The following KANSL1 variants were observed in gnomAD, a reference collection of about 807,000 sequenced individuals.
KANSL1 encodes MLL1/MLL complex subunit KANSL1.
KANSL1 carries 22 observed loss-of-function variants against 103.6 expected under a neutral mutation model. The observed-to-expected ratio is 0.21, with a 90% confidence interval of 0.15 to 0.30. The LOEUF (loss-of-function observed/expected upper bound fraction) is 0.30, where lower values mean the gene tolerates loss of function less well. KANSL1 is among the 10% of genes least tolerant of loss of function. The probability of loss-of-function intolerance (pLI) is 1.00; values close to 1 mark genes in which losing one functional copy is unlikely to be tolerated. For missense variants in KANSL1, 1,337 were observed against 1,399.8 expected (o/e 0.96, Z 0.72); for synonymous variants, 600 against 527.6 (o/e 1.14, Z -1.88).
intron 2 of KANSL1, chr17:46,119,832 A>C (rs899518989): frequency 6.6e-6 from 1 of 152,182 alleles, no homozygotes; most frequent in Non-Finnish European, 1.5e-5. Context: ...AAATGTCCTT[A>C]TTCACCCTTC....
At chr17:46,071,472 C>T (rs2146705317) in intron 4 of KANSL1, among the ~76,000 whole-genome samples, 1 of 152,280 alleles carries the variant, frequency 6.6e-6, no homozygotes, top group Admixed American at 6.5e-5. Context: ...AAAAGAAAAA[C>T]ATAACACACA....
At chr17:46,201,598 G>A (rs1348357909) in intron 1 of KANSL1, among the ~76,000 whole-genome samples, 1 of 152,080 alleles carries the variant, frequency 6.6e-6, no homozygotes, top group Non-Finnish European at 1.5e-5. Flanking sequence ...CTGGTCGGTT[G>A]TGGTAGCTCA....
rs75641221 is a variant in KANSL1 at position 46,068,007 on chromosome 17, T to G, written c.1534-340A>C. ...GGAGAATATTATATTAGCTTTTGCTTTGGGGGGAAGAGGGATGAGGAATCC... is the reference window on the plus strand; with the variant it reads ...GGAGAATATTATATTAGCTTTTGCTGTGGGGGGAAGAGGGATGAGGAATCC... On this transcript the variant is annotated intron_variant, in intron 4 of 14. Coordinates refer to ENST00000432791, the MANE Select transcript of KANSL1 (RefSeq NM_015443.4). Among the ~76,000 whole-genome samples the G allele has an allele frequency of 5.3e-5, 8 of 151,788 alleles. No individual in the cohort carries two copies. The East Asian group carries it at 1.6e-3, about 30-fold the overall frequency.
At chr17:46,165,435 T>C (rs1360117039) in intron 2 of KANSL1, among the ~76,000 whole-genome samples, 1 of 152,110 alleles carries the variant, frequency 6.6e-6, no homozygotes. Flanking sequence ...CGTTTCACCG[T>C]GTTAGCCAGG....
chr17:46,102,469 C>T (rs1239227527), intron 2 of KANSL1, among the ~76,000 whole-genome samples: 6 of 152,122 alleles, frequency 3.9e-5, no homozygotes, highest in African/African-American at 1.2e-4. Flanking sequence ...AGGCTGGTCT[C>T]GAACTCCTGA....
At chr17:46,039,958 C>T in intron 7 of KANSL1, 74 bp from the exon 8 acceptor site, 1 of 1,399,608 alleles carries the variant, frequency 7.1e-7, no homozygotes, top group Non-Finnish European at 1.0e-6. Context: ...TACACTCCAT[C>T]CTCCTTTAAT....
At chr17:46,117,313 T>C (rs1373895090) in intron 2 of KANSL1, among the ~76,000 whole-genome samples, 1 of 152,256 alleles carries the variant, frequency 6.6e-6, no homozygotes, top group Non-Finnish European at 1.5e-5. Context: ...TTTCTAGCCA[T>C]TCCTTAAAAG....
intron 1 of KANSL1, among the ~76,000 whole-genome samples, chr17:46,215,654 G>A (rs2668692): frequency 0.14 from 21,952 of 152,188 alleles, 2,137 homozygotes; most frequent in Middle Eastern, 0.22. Flanking sequence ...TCAAATCCCT[G>A]ATTTGAGTGA....
intron 6 of KANSL1, among the ~76,000 whole-genome samples, chr17:46,060,591 G>A (rs1598509132): frequency 6.6e-6 from 1 of 152,282 alleles, no homozygotes; most frequent in East Asian, 1.9e-4. Flanking sequence ...TAACTAGTAT[G>A]AAAAAGTTGG....
At chr17:46,205,372 C>A (rs1277574096) in intron 1 of KANSL1, among the ~76,000 whole-genome samples, 1 of 113,532 alleles carries the variant, frequency 8.8e-6, no homozygotes, top group Non-Finnish European at 2.4e-5. Flanking sequence ...ACAATAGCAT[C>A]CCCCCGCCAA....
intron 1 of KANSL1, among the ~76,000 whole-genome samples, chr17:46,180,325 G>A (rs1349064146): frequency 2.6e-5 from 4 of 151,802 alleles, no homozygotes; most frequent in African/African-American, 7.3e-5. Flanking sequence ...GTGAAAACCC[G>A]CCTCTAATAA....
intron 2 of KANSL1, among the ~76,000 whole-genome samples, chr17:46,102,106 A>G (rs1352857911): frequency 6.6e-6 from 1 of 152,268 alleles, no homozygotes; most frequent in Non-Finnish European, 1.5e-5. Flanking sequence ...CCAGAGTTAA[A>G]TATCCCACAT....
At chr17:46,206,563 C>G (rs533627381) in intron 1 of KANSL1, among the ~76,000 whole-genome samples, 1 of 152,310 alleles carries the variant, frequency 6.6e-6, no homozygotes, top group East Asian at 1.9e-4. Context: ...CCCATCTCTA[C>G]AAGAAACAAA....
intron 10 of KANSL1, chr17:46,035,682 C>A (rs1402296051): frequency 1.3e-5 from 2 of 152,214 alleles, no homozygotes; most frequent in Non-Finnish European, 2.9e-5. Flanking sequence ...CATCCCACTA[C>A]AAGAAATGCA....
At chr17:46,218,840 A>G (rs2048423266) in intron 1 of KANSL1, among the ~76,000 whole-genome samples, 1 of 152,184 alleles carries the variant, frequency 6.6e-6, no homozygotes, top group Non-Finnish European at 1.5e-5. Context: ...TGAACCAAAC[A>G]CTGCCCTATG....
At chr17:46,069,044 G>A (rs2078483557) in intron 4 of KANSL1, among the ~76,000 whole-genome samples, 1 of 152,096 alleles carries the variant, frequency 6.6e-6, no homozygotes. Flanking sequence ...TCCTGCTTTG[G>A]CCTCCTGAGT....
chr17:46,179,685 G>A (rs2046690123), intron 1 of KANSL1, among the ~76,000 whole-genome samples: 1 of 152,220 alleles, frequency 6.6e-6, no homozygotes. Flanking sequence ...TAGGACAAGA[G>A]AATGGTAATG....
chr17:46,058,747 T>A (rs942815331), intron 6 of KANSL1, among the ~76,000 whole-genome samples: 388 of 28,156 alleles, frequency 0.014, 1 homozygote, highest in Middle Eastern at 0.053. Flanking sequence ...ACACACACTC[T>A]CTCTCTCTCT....
chr17:46,063,903 T>G (rs951065639), intron 6 of KANSL1, among the ~76,000 whole-genome samples: 1 of 142,660 alleles, frequency 7.0e-6, no homozygotes, highest in East Asian at 1.9e-4. Flanking sequence ...GCGGTTTTTT[T>G]TTTTTTTTTA....
Sources: allele counts gnomAD v4.1 joint callset (sites outside exome capture counted in the v4.1 genomes callset), GRCh38; gene constraint gnomAD v4.1.1; transcripts MANE v1.5; gene names NCBI Gene and HGNC (gene_info 2026-07-23, HGNC 2026-07-21).